DOCK2: variants seen among roughly 807,000 people sequenced by gnomAD.
The protein encoded by DOCK2 is dedicator of cytokinesis protein 2.
DOCK2 carries 87 observed loss-of-function variants against 248.9 expected under a neutral mutation model. That is an observed-to-expected ratio of 0.35 (90% CI 0.29 to 0.42). The LOEUF is 0.42. Ranked by LOEUF, DOCK2 falls within the 10% of genes least tolerant of loss-of-function variation. The pLI, the probability that DOCK2 is intolerant of heterozygous loss-of-function variation, is 1.00. For missense variants in DOCK2, 1,747 were observed against 2,300.2 expected (o/e 0.76, Z 4.92); for synonymous variants, 805 against 821.6 (o/e 0.98, Z 0.35).
intron 22 of DOCK2, among the ~76,000 whole-genome samples, chr5:169,719,920 TAA>T (rs879318664): frequency 5.0e-5 from 7 of 141,048 alleles, no homozygotes; most frequent in Non-Finnish European, 3.1e-5. Flanking sequence ...CTCTGACTCT[TAA>T]AAAAAAAAAA....
intron 27 of DOCK2, among the ~76,000 whole-genome samples, chr5:169,861,060 A>G (rs139283810): frequency 3.2e-4 from 49 of 152,360 alleles, no homozygotes; most frequent in African/African-American, 1.1e-3. Flanking sequence ...CTGTACATCC[A>G]TGGAATGAGG....
At chr5:169,827,328 T>G (rs1768932222) in intron 26 of DOCK2, among the ~76,000 whole-genome samples, 1 of 152,114 alleles carries the variant, frequency 6.6e-6, no homozygotes, top group African/African-American at 2.4e-5. Flanking sequence ...TTCTCAAGGA[T>G]CTCAGTTCAC....
intron 27 of DOCK2, among the ~76,000 whole-genome samples, chr5:169,952,492 C>T (rs747152707): frequency 6.6e-6 from 1 of 152,064 alleles, no homozygotes; most frequent in Non-Finnish European, 1.5e-5. Flanking sequence ...ACCTGTTTTT[C>T]TTAATGCTCC....
intron 25 of DOCK2, among the ~76,000 whole-genome samples, chr5:169,793,916 A>G (rs1465857440): frequency 3.9e-5 from 6 of 152,064 alleles, no homozygotes; most frequent in Admixed American, 3.9e-4. Flanking sequence ...TTCAGGTCTC[A>G]GCTTAAGTGT....
chr5:169,814,755 G>A (rs911444498), intron 26 of DOCK2, among the ~76,000 whole-genome samples: 5 of 152,170 alleles, frequency 3.3e-5, no homozygotes, highest in Non-Finnish European at 7.3e-5. Flanking sequence ...AATGAGGGTT[G>A]AAGGTGAACA....
At chr5:169,897,073 A>C (rs1245632590) in intron 27 of DOCK2, among the ~76,000 whole-genome samples, 1 of 152,240 alleles carries the variant, frequency 6.6e-6, no homozygotes, top group African/African-American at 2.4e-5. Context: ...GAAAATTATC[A>C]TAAGAATATT....
intron 27 of DOCK2, among the ~76,000 whole-genome samples, chr5:169,939,049 A>G (rs1034383099): frequency 2.0e-5 from 3 of 151,138 alleles, no homozygotes; most frequent in Non-Finnish European, 4.4e-5. Context: ...GACTACAGGC[A>G]TGCACCACCA....
chr5:169,988,377 G>A lies in DOCK2; in HGVS notation c.2993+2455G>A, dbSNP rs866175875. 5.9e-5 allele frequency among the ~76,000 whole-genome samples: 9 copies of A among 152,086 alleles called. No homozygotes were observed. In the South Asian group the frequency reaches 1.7e-3, roughly 28 times the overall value. On this transcript the variant is annotated intron_variant, in intron 29 of 51. Transcript: ENST00000520908. ...ATAATGTAGAACAACTATAATCCACGCATTATATAAGAGGAAGCTGAGGTA... is the reference window on the plus strand; with the variant it reads ...ATAATGTAGAACAACTATAATCCACACATTATATAAGAGGAAGCTGAGGTA...
intron 27 of DOCK2, among the ~76,000 whole-genome samples, chr5:169,970,995 C>T (rs1416387429): frequency 2.0e-5 from 3 of 151,514 alleles, no homozygotes; most frequent in African/African-American, 4.8e-5. Flanking sequence ...GGTGGGGCAG[C>T]GGGGGGAGGA....
intron 29 of DOCK2, among the ~76,000 whole-genome samples, chr5:169,987,419 A>G (rs1466487391): frequency 1.3e-5 from 2 of 152,232 alleles, no homozygotes; most frequent in Non-Finnish European, 2.9e-5. Flanking sequence ...TAAGGAAAGA[A>G]GCAGAGAGAG....
chr5:170,071,754 A>G (rs1757688914), intron 46 of DOCK2, among the ~76,000 whole-genome samples: 1 of 152,134 alleles, frequency 6.6e-6, no homozygotes, highest in Non-Finnish European at 1.5e-5. Flanking sequence ...TTTTATAGTA[A>G]TCATTTCCTT....
At chr5:169,951,870 A>G (rs1345364369) in intron 27 of DOCK2, among the ~76,000 whole-genome samples, 1 of 152,236 alleles carries the variant, frequency 6.6e-6, no homozygotes, top group African/African-American at 2.4e-5. Context: ...CCAAGATCAC[A>G]CAGCCAAGAA....
intron 27 of DOCK2, among the ~76,000 whole-genome samples, chr5:169,916,273 G>A (rs1387412885): frequency 6.6e-6 from 1 of 152,236 alleles, no homozygotes; most frequent in African/African-American, 2.4e-5. Context: ...AGGTGTGTTT[G>A]TCCAACAGGA....
intron 27 of DOCK2, chr5:169,875,316 A>G: frequency 2.2e-6 from 1 of 456,682 alleles, no homozygotes; most frequent in South Asian, 1.5e-5. Context: ...AAGTTTCCAT[A>G]GACACCCAGG....
At chr5:170,072,439 T>C (rs902020321) in intron 46 of DOCK2, among the ~76,000 whole-genome samples, 8 of 152,236 alleles carry the variant, frequency 5.3e-5, no homozygotes, top group Non-Finnish European at 1.2e-4. Flanking sequence ...ATCCGTTCTG[T>C]TGGACATTTG....
intron 26 of DOCK2, among the ~76,000 whole-genome samples, chr5:169,832,415 G>T (rs994117318): frequency 6.6e-6 from 1 of 152,222 alleles, no homozygotes; most frequent in Non-Finnish European, 1.5e-5. Flanking sequence ...CACTCACCCA[G>T]TGGGTGGGGA....
At chr5:169,885,811 A>C (rs751040475) in intron 27 of DOCK2, among the ~76,000 whole-genome samples, 9 of 152,240 alleles carry the variant, frequency 5.9e-5, no homozygotes, top group Non-Finnish European at 5.9e-5. Context: ...AGAAGGGTTA[A>C]GTAACTTGCC....
chr5:170,062,948 C>T, intron 44 of DOCK2, among the ~76,000 whole-genome samples: 1 of 152,290 alleles, frequency 6.6e-6, no homozygotes, highest in Non-Finnish European at 1.5e-5. Flanking sequence ...CAGGCTGTCA[C>T]TTCTCAAACC....
intron 29 of DOCK2, among the ~76,000 whole-genome samples, chr5:169,995,043 T>A (rs1321934331): frequency 1.3e-5 from 2 of 151,558 alleles, no homozygotes; most frequent in South Asian, 2.1e-4. Flanking sequence ...TTTTTTTTTT[T>A]TTTTTGAGAG....
Sources: allele counts gnomAD v4.1 joint callset (sites outside exome capture counted in the v4.1 genomes callset), GRCh38; gene constraint gnomAD v4.1.1; transcripts MANE v1.5; gene names NCBI Gene and HGNC (gene_info 2026-07-23, HGNC 2026-07-21).